ADSS2: variants seen among roughly 807,000 people sequenced by gnomAD.
ADSS2 encodes adenylosuccinate synthetase isozyme 2.
Under a neutral mutation model 60.0 loss-of-function variants are expected in ADSS2, and 30 were observed. The ratio of observed to expected loss-of-function variants is 0.50; its 90% CI spans 0.37 to 0.68. The LOEUF is 0.68. Among genes scored for constraint, ADSS2 ranks in the 30% least tolerant of loss-of-function variants. The probability of loss-of-function intolerance (pLI) is 0.00; values close to 1 mark genes in which losing one functional copy is unlikely to be tolerated. For missense variants in ADSS2, 373 were observed against 554.8 expected, an observed-to-expected ratio of 0.67 and a Z score of 3.29; for synonymous variants, 187 against 193.1, an observed-to-expected ratio of 0.97 and a Z score of 0.26.
chr1:244,424,292 G>T, intron 5 of ADSS2, 29 bp downstream of exon 5: 1 of 1,602,976 alleles, frequency 6.2e-7, no homozygotes, highest in Non-Finnish European at 8.5e-7. Context: ...TGCTTAAACT[G>T]TACCAAAAAA....
intron 1 of ADSS2, among the ~76,000 whole-genome samples, chr1:244,441,735 TCA>T (rs772803775): frequency 6.6e-6 from 1 of 151,916 alleles, no homozygotes; most frequent in Non-Finnish European, 1.5e-5. Flanking sequence ...GGCGGGTAGG[TCA>T]CAAGGTCAGG....
intron 2 of ADSS2, among the ~76,000 whole-genome samples, 190 bp downstream of exon 2, chr1:244,437,476 C>T (rs1050770630): frequency 6.6e-6 from 1 of 152,006 alleles, no homozygotes; most frequent in Non-Finnish European, 1.5e-5. Flanking sequence ...AAAAGTATTA[C>T]TGTTAAAAGA....
intron 7 of ADSS2, 113 bp downstream of exon 7, chr1:244,422,722 C>T: frequency 1.3e-6 from 1 of 756,034 alleles, no homozygotes; most frequent in East Asian, 2.6e-5. Context: ...ATGTCCAAGA[C>T]AAACAATTTC....
intron 1 of ADSS2, among the ~76,000 whole-genome samples, chr1:244,442,589 T>C (rs1572147347): frequency 1.3e-5 from 2 of 152,168 alleles, no homozygotes; most frequent in East Asian, 3.9e-4. Context: ...TAAGTGCTTA[T>C]TTATATTTGG....
rs537424652 is a variant in ADSS2 at position 244,420,353 on chromosome 1, C to T, written c.664-57G>A. 6.9e-6 allele frequency: 10 copies of T among 1,452,980 alleles called. No individual in the cohort carries two copies. In the South Asian group the frequency reaches 1.4e-4, roughly 20 times the overall value. The allele number at this position is 1,452,980 out of a possible 1,614,324, so 90.0% of individuals were successfully genotyped here. ...TATACTAATAAACGTTTAACATAACCAGAACAAGAATAAATTACCTGACTT... is the reference window on the plus strand; with the variant it reads ...TATACTAATAAACGTTTAACATAACTAGAACAAGAATAAATTACCTGACTT... On this transcript the variant is annotated intron_variant, in intron 7 of 12. Coordinates refer to ENST00000366535, the MANE Select transcript of ADSS2 (RefSeq NM_001126.5).
chr1:244,428,847 C>A (rs1664866916), intron 4 of ADSS2, among the ~76,000 whole-genome samples: 1 of 152,026 alleles, frequency 6.6e-6, no homozygotes, highest in Admixed American at 6.6e-5. Flanking sequence ...ACAGAAAAAT[C>A]TGAATATCCC....
intron 3 of ADSS2, among the ~76,000 whole-genome samples, chr1:244,433,255 C>T (rs1664993946): frequency 1.3e-5 from 2 of 152,138 alleles, no homozygotes; most frequent in Admixed American, 1.3e-4. Context: ...GAAACACAAT[C>T]TCTAAAAGTG....
Position 244,409,634 on chromosome 1 carries a change from C to T in ADSS2, c.1323G>A (p.Lys441=), listed in dbSNP as rs764277610. The T allele has an allele frequency of 4.4e-6, 7 of 1,604,506 alleles. No individual in the cohort carries two copies. In the Admixed American group the frequency reaches 8.4e-5, roughly 19 times the overall value. ...CTCTGGATTTACCAACACCAATCCA[C>T]TTAACTAGGAGAATACAAAGAGAAA... is the stretch of plus-strand genomic sequence containing the variant. ...FIEDELQIPV[K]WIGVGKSRES... The change falls in exon 13 of 13, where the codon AAG becomes AAA. Residue 441 remains lysine, a synonymous_variant. Coordinates refer to ENST00000366535, the MANE Select transcript of ADSS2 (RefSeq NM_001126.5).
intron 11 of ADSS2, among the ~76,000 whole-genome samples, chr1:244,413,642 G>T (rs1219836964): frequency 3.3e-5 from 5 of 152,274 alleles, no homozygotes; most frequent in Middle Eastern, 3.4e-3. Context: ...GTAGAGAGAA[G>T]GGCCCCCCAG....
chr1:244,411,491 C>G, intron 11 of ADSS2, 55 bp from the exon 12 acceptor site: 2 of 1,524,912 alleles, frequency 1.3e-6, no homozygotes, highest in Non-Finnish European at 1.8e-6. Flanking sequence ...TGTCAAACAA[C>G]TTTTTGATAT....
At chr1:244,437,048 G>A (rs947794538) in intron 2 of ADSS2, among the ~76,000 whole-genome samples, 155 bp from the exon 3 acceptor site, 5 of 152,074 alleles carry the variant, frequency 3.3e-5, no homozygotes, top group African/African-American at 1.2e-4. Context: ...ATAATATAGT[G>A]AATATAAAAC....
chr1:244,436,030 T>C (rs976892938), intron 3 of ADSS2, among the ~76,000 whole-genome samples: 8 of 152,168 alleles, frequency 5.3e-5, no homozygotes, highest in African/African-American at 9.7e-5. Context: ...GGAAAAGATA[T>C]ATGAAAGCTG....
chr1:244,428,305 A>G (rs1344792107), intron 4 of ADSS2, among the ~76,000 whole-genome samples: 1 of 152,220 alleles, frequency 6.6e-6, no homozygotes, highest in Non-Finnish European at 1.5e-5. Context: ...GAGAGAAATC[A>G]TGAAAATCTT....
intron 6 of ADSS2, 121 bp downstream of exon 6, chr1:244,423,832 C>T (rs1343577056): frequency 1.5e-5 from 10 of 653,838 alleles, no homozygotes. Flanking sequence ...ATATTTCAAA[C>T]CTAAAAAAGC....
chr1:244,418,646 G>T, intron 9 of ADSS2, 114 bp downstream of exon 9: 2 of 1,119,160 alleles, frequency 1.8e-6, no homozygotes, highest in Non-Finnish European at 2.5e-6. Context: ...AGAAAATGTT[G>T]TTCTGACCAA....
chr1:244,436,738 A>C, intron 3 of ADSS2, 87 bp downstream of exon 3: 1 of 1,199,692 alleles, frequency 8.3e-7, no homozygotes, highest in Non-Finnish European at 1.2e-6. Context: ...TTAAAGCATA[A>C]GACAAACATG....
chr1:244,418,952 A>G, intron 8 of ADSS2, 38 bp from the exon 9 acceptor site: 1 of 1,500,470 alleles, frequency 6.7e-7, no homozygotes, highest in Non-Finnish European at 9.1e-7. Flanking sequence ...TAGTAGACAC[A>G]TGAATAACAC....
At chr1:244,443,590 G>A (rs181570208) in intron 1 of ADSS2, among the ~76,000 whole-genome samples, 3 of 152,240 alleles carry the variant, frequency 2.0e-5, no homozygotes, top group East Asian at 3.9e-4. Flanking sequence ...TTTTCTGAAC[G>A]TACATTTTTG....
chr1:244,435,345 T>C (rs543891048), intron 3 of ADSS2, among the ~76,000 whole-genome samples: 7 of 151,848 alleles, frequency 4.6e-5, no homozygotes, highest in Non-Finnish European at 1.0e-4. Flanking sequence ...AGATTTCAGA[T>C]TTTTTTTGGA....
Sources: gnomAD v4.1 joint callset for allele counts (sites outside exome capture counted in the v4.1 genomes callset) on GRCh38, gnomAD v4.1.1 for gene constraint, MANE v1.5 for transcripts, NCBI Gene and HGNC (gene_info 2026-07-23, HGNC 2026-07-21) for gene names.